The following GXYLT1 variants were observed in gnomAD, a reference collection of about 807,000 sequenced individuals.
GXYLT1 encodes glucoside xylosyltransferase 1.
A neutral mutation model predicts 54.0 loss-of-function variants in GXYLT1; 29 were observed. The observed-to-expected ratio is 0.54, with a 90% CI of 0.40 to 0.73. GXYLT1 has a LOEUF of 0.73. Among genes scored for constraint, GXYLT1 ranks in the 30% least tolerant of loss-of-function variants. GXYLT1 has a pLI of 0.00. For missense variants in GXYLT1, 490 were observed against 553.4 expected, an observed-to-expected ratio of 0.89 and a Z score of 1.15; for synonymous variants, 176 against 204.1, an observed-to-expected ratio of 0.86 and a Z score of 1.17.
chr12:42,119,299 G>T, intron 2 of GXYLT1, 128 bp from the exon 3 acceptor site: 1 of 706,482 alleles, frequency 1.4e-6, no homozygotes, highest in Admixed American at 2.6e-5. Context: ...CCAGCTACAC[G>T]GGAAGCTAAG....
chr12:42,090,694 T>C (rs1355342984), intron 7 of GXYLT1, among the ~76,000 whole-genome samples: 1 of 152,348 alleles, frequency 6.6e-6, no homozygotes, highest in East Asian at 1.9e-4. Flanking sequence ...CAACAAATCC[T>C]AAGTGTTCAC....
At chr12:42,119,619 G>A (rs1276162317) in intron 2 of GXYLT1, among the ~76,000 whole-genome samples, 1 of 151,954 alleles carries the variant, frequency 6.6e-6, no homozygotes, top group Admixed American at 6.6e-5. Context: ...ACCAGCCTAG[G>A]CAACATACCG....
At chr12:42,133,638 G>A (rs557007973) in intron 1 of GXYLT1, among the ~76,000 whole-genome samples, 50 of 152,248 alleles carry the variant, frequency 3.3e-4, no homozygotes, top group Admixed American at 2.7e-3. Flanking sequence ...ACTAGCATCC[G>A]GTTCACAGTC....
At chr12:42,133,227 A>C (rs2065602423) in intron 1 of GXYLT1, among the ~76,000 whole-genome samples, 1 of 152,112 alleles carries the variant, frequency 6.6e-6, no homozygotes, top group Admixed American at 6.5e-5. Flanking sequence ...TCAGTGAGCC[A>C]AGATCATTCC....
chr12:42,126,186 G>A (rs542632826), intron 2 of GXYLT1, among the ~76,000 whole-genome samples: 1 of 151,748 alleles, frequency 6.6e-6, no homozygotes, highest in African/African-American at 2.4e-5. Flanking sequence ...CGATTCTCGT[G>A]CCTCAGTCTC....
chr12:42,111,327 G>A (rs953691458), intron 3 of GXYLT1, among the ~76,000 whole-genome samples: 4 of 152,224 alleles, frequency 2.6e-5, no homozygotes, highest in African/African-American at 4.8e-5. Flanking sequence ...GAACCGGGGC[G>A]AGGCATCGCC....
chr12:42,129,130 A>T (rs2065579988), intron 2 of GXYLT1, among the ~76,000 whole-genome samples: 1 of 152,184 alleles, frequency 6.6e-6, no homozygotes, highest in Admixed American at 6.5e-5. Context: ...TATTCTTATC[A>T]ATACCTGTTT....
At chr12:42,102,063 T>C (rs2065393177) in intron 5 of GXYLT1, among the ~76,000 whole-genome samples, 1 of 152,270 alleles carries the variant, frequency 6.6e-6, no homozygotes, top group African/African-American at 2.4e-5. Flanking sequence ...ACTGTAGTTC[T>C]AATTTTACAA....
chr12:42,093,069 T>C (rs2065337514), intron 7 of GXYLT1, among the ~76,000 whole-genome samples: 1 of 152,192 alleles, frequency 6.6e-6, no homozygotes, highest in African/African-American at 2.4e-5. Context: ...TAGCAGTCCC[T>C]AATATACGAA....
intron 1 of GXYLT1, among the ~76,000 whole-genome samples, chr12:42,130,113 A>C (rs2065585924): frequency 6.6e-6 from 1 of 152,230 alleles, no homozygotes. Context: ...GTCTCCTGAT[A>C]AAATCCCCTC....
intron 3 of GXYLT1, 145 bp from the exon 4 acceptor site, chr12:42,109,836 T>G: frequency 1.9e-6 from 1 of 521,774 alleles, no homozygotes; most frequent in Non-Finnish European, 3.3e-6. Flanking sequence ...ATTCTTCTGT[T>G]CCACCACTGT....
chr12:42,120,124 A>G (rs1189769323), intron 2 of GXYLT1, among the ~76,000 whole-genome samples: 8 of 152,190 alleles, frequency 5.3e-5, no homozygotes, highest in Admixed American at 4.6e-4. Context: ...TTTTTTAAAA[A>G]CATTGTTATT....
Position 42,144,617 on chromosome 12 carries a change from C to CAGCACCACGACGCGCAGGT in GXYLT1, c.11_29dup (p.Cys11ProfsTer72), listed in dbSNP as rs755680588. On this transcript the variant is annotated frameshift_variant, in exon 1 of 8. Coordinates refer to ENST00000398675, the MANE Select transcript of GXYLT1 (RefSeq NM_173601.2). LOFTEE classifies it high-confidence loss of function. Reference sequence around the variant, plus strand: ...GCGAGCAGAAGCCGCAGGCCACACACAGCACCACGACGCGCAGGTAGCGCC... The same window carrying CAGCACCACGACGCGCAGGT: ...GCGAGCAGAAGCCGCAGGCCACACACAGCACCACGACGCGCAGGTAGCACCACGACGCGCAGGTAGCGCC... 1.7e-5 allele frequency: 25 copies of CAGCACCACGACGCGCAGGT among 1,476,250 alleles called. No homozygotes were observed. Among genetic ancestry groups the CAGCACCACGACGCGCAGGT allele is most frequent in the African/African-American group, 4.3e-5 (3 of 69,142 alleles). 91.4% of individuals were successfully genotyped at this position (1,476,250 alleles called of 1,614,324 possible). A position where few individuals can be genotyped will look rare whatever the true frequency, so the allele number is the denominator to read the frequency against.
intron 5 of GXYLT1, among the ~76,000 whole-genome samples, chr12:42,098,332 A>G (rs546822152): frequency 6.6e-6 from 1 of 152,274 alleles, no homozygotes; most frequent in South Asian, 2.1e-4. Context: ...GTCTGGGCCT[A>G]CGTCAGAGTT....
intron 2 of GXYLT1, among the ~76,000 whole-genome samples, chr12:42,126,147 C>T (rs2065560610): frequency 6.8e-6 from 1 of 147,438 alleles, no homozygotes; most frequent in African/African-American, 2.5e-5. Flanking sequence ...GGTATTGGTT[C>T]ACTGCAACCT....
intron 1 of GXYLT1, among the ~76,000 whole-genome samples, chr12:42,131,802 T>G (rs2065595418): frequency 6.6e-6 from 1 of 152,190 alleles, no homozygotes; most frequent in East Asian, 1.9e-4. Context: ...CTAACAGAGT[T>G]ATTTTCAGAT....
Position 42,099,651 on chromosome 12 carries a change from G to A in GXYLT1, c.865-1618C>T, listed in dbSNP as rs191341727. Among the ~76,000 whole-genome samples the A allele has an allele frequency of 1.3e-3, 200 of 152,230 alleles. 1 individual carries two copies. The highest frequency in any genetic ancestry group is 3.8e-3 in the African/African-American group (158 of 41,532). Reference sequence around the variant, plus strand: ...GCTGATCAGTTGAGTTCAGGAGCTCGAGACAAGCCTGGGCAACATGGTGAA... The same window carrying A: ...GCTGATCAGTTGAGTTCAGGAGCTCAAGACAAGCCTGGGCAACATGGTGAA... On this transcript the variant is annotated intron_variant, in intron 5 of 7. Coordinates refer to ENST00000398675, the MANE Select transcript of GXYLT1 (RefSeq NM_173601.2).
rs768678928 is a variant in GXYLT1 at position 42,109,563 on chromosome 12, T to C, written c.612+3A>G. On this transcript the variant is annotated splice_donor_region_variant and intron_variant, in intron 4 of 7. Coordinates refer to ENST00000398675, the MANE Select transcript of GXYLT1 (RefSeq NM_173601.2). ...AAAAAAGACACTAGGGGAAAAAACT[T>C]ACCGGCAAGAACAATCTCTGCGAAG... The C allele has an allele frequency of 1.3e-6, 2 of 1,481,872 alleles. No homozygotes were observed. Among genetic ancestry groups the C allele is most frequent in the Admixed American group, 5.3e-5 (2 of 37,714 alleles). The allele number at this position is 1,481,872 out of a possible 1,614,324, so 91.8% of individuals were successfully genotyped here.
chr12:42,120,384 A>G (rs897767823), intron 2 of GXYLT1, among the ~76,000 whole-genome samples: 17 of 152,226 alleles, frequency 1.1e-4, no homozygotes, highest in African/African-American at 3.6e-4. Flanking sequence ...AAAACATGCT[A>G]GTCAAACACT....
Sources: allele counts gnomAD v4.1 joint callset (sites outside exome capture counted in the v4.1 genomes callset), GRCh38; gene constraint gnomAD v4.1.1; transcripts MANE v1.5; gene names NCBI Gene and HGNC (gene_info 2026-07-23, HGNC 2026-07-21).